The following LRRC49 variants were observed in gnomAD, a reference collection of about 807,000 sequenced individuals.
LRRC49 encodes the protein leucine-rich repeat-containing protein 49.
A neutral mutation model predicts 83.3 loss-of-function variants in LRRC49; 50 were observed. That is an observed-to-expected ratio of 0.60 (90% CI 0.48 to 0.76). The LOEUF is 0.76. Ranked by LOEUF, LRRC49 falls within the 30% of genes least tolerant of loss-of-function variation. The probability of loss-of-function intolerance (pLI) is 0.00; values close to 1 mark genes in which losing one functional copy is unlikely to be tolerated. For missense variants in LRRC49, 704 were observed against 809.1 expected, an observed-to-expected ratio of 0.87 and a Z score of 1.58; for synonymous variants, 286 against 283.3, an observed-to-expected ratio of 1.01 and a Z score of -0.10.
intron 11 of LRRC49, among the ~76,000 whole-genome samples, chr15:70,990,465 G>A (rs548717043): frequency 6.8e-4 from 103 of 152,246 alleles, no homozygotes; most frequent in South Asian, 1.7e-3. Flanking sequence ...CTCCTGGTGC[G>A]CCGTTTTTTA....
Position 70,997,580 on chromosome 15 carries a change from G to A in LRRC49, c.1170-10799G>A, listed in dbSNP as rs544146452. 3.2e-4 allele frequency among the ~76,000 whole-genome samples: 48 copies of A among 152,140 alleles called. No individual in the cohort carries two copies. In the South Asian group the frequency reaches 5.2e-3, roughly 16 times the overall value. On this transcript the variant is annotated intron_variant, in intron 11 of 15. Transcript: ENST00000260382. ...ATCCTGGCCAACATGGCGAAACCCC[G>A]TCTCTACTAAAAATATGAAAATTAG...
At position 71,050,862 on chromosome 15, in the gene LRRC49, CAG is replaced by C. The variant is rs1248935083; in HGVS notation, c.*1253_*1254del. The C allele has an allele frequency of 3.3e-5, 5 of 149,884 alleles. No homozygotes were observed. The highest frequency in any genetic ancestry group is 3.9e-4 in the East Asian group (2 of 5,100). 9.3% of individuals were successfully genotyped at this position (149,884 alleles called of 1,614,324 possible). ...TCTTTTTCTTTTTTTTTTTTTGAGACAGAGTCTTGCTCTGTCACCCAGGCTGG... is the reference window on the plus strand; with the variant it reads ...TCTTTTTCTTTTTTTTTTTTTGAGACAGTCTTGCTCTGTCACCCAGGCTGG... On this transcript the variant is annotated 3_prime_UTR_variant, in exon 16 of 16. Coordinates refer to ENST00000260382, the MANE Select transcript of LRRC49 (RefSeq NM_017691.5).
chr15:70,929,482 A>C lies in LRRC49; in HGVS notation c.712-7279A>C, dbSNP rs1038172170. Among the ~76,000 whole-genome samples the C allele has an allele frequency of 1.1e-4, 16 of 152,244 alleles. 1 individual carries two copies. Among genetic ancestry groups the C allele is most frequent in the Non-Finnish European group, 2.2e-4 (15 of 68,018 alleles). ...TTGTAATCTTTTTGCTGGTGGAGGGAGGGTCTTGCCGTGATGTTAATGGCT... is the reference window on the plus strand; with the variant it reads ...TTGTAATCTTTTTGCTGGTGGAGGGCGGGTCTTGCCGTGATGTTAATGGCT... On this transcript the variant is annotated intron_variant, in intron 7 of 15. Transcript: ENST00000260382.
intron 9 of LRRC49, among the ~76,000 whole-genome samples, chr15:70,976,080 G>T (rs79757274): frequency 0.014 from 2,189 of 152,256 alleles, 50 homozygotes; most frequent in African/African-American, 0.049. Context: ...TTGAAGACAG[G>T]TGCAGTGTTC....
At chr15:70,983,220 T>G (rs1304006898) in intron 10 of LRRC49, among the ~76,000 whole-genome samples, 1 of 152,218 alleles carries the variant, frequency 6.6e-6, no homozygotes, top group Non-Finnish European at 1.5e-5. Context: ...CGTTTCAATT[T>G]AGCACAATTT....
At chr15:71,023,988 C>T (rs897179731) in intron 14 of LRRC49, among the ~76,000 whole-genome samples, 1 of 152,184 alleles carries the variant, frequency 6.6e-6, no homozygotes, top group Non-Finnish European at 1.5e-5. Flanking sequence ...CCTAAGACCA[C>T]TGAGCTCCCA....
chr15:70,882,718 A>C lies in LRRC49; in HGVS notation c.18+9495A>C, dbSNP rs546502746. On this transcript the variant is annotated intron_variant, in intron 2 of 16. Transcript: ENST00000544974. ...TTTTCATATATCTTTAATATACGAA[A>C]GATCAATTCAATTGCTTAATCCATT... 3 of 1,613,032 alleles carry C rather than the reference A, an allele frequency of 1.9e-6. No homozygotes were observed. The Admixed American group carries it at 5.0e-5, about 27-fold the overall frequency.
intron 8 of LRRC49, among the ~76,000 whole-genome samples, chr15:70,959,156 G>T (rs1236790976): frequency 1.3e-5 from 2 of 152,156 alleles, no homozygotes; most frequent in African/African-American, 2.4e-5. Context: ...TTTTACCAAG[G>T]TGCCCTGTGG....
intron 11 of LRRC49, among the ~76,000 whole-genome samples, chr15:70,992,272 G>A (rs545705479): frequency 3.3e-5 from 5 of 152,276 alleles, no homozygotes; most frequent in East Asian, 3.9e-4. Flanking sequence ...CCATTAGCTC[G>A]GAGAAGTTTG....
chr15:70,990,671 A>G (rs1447913314), intron 11 of LRRC49, among the ~76,000 whole-genome samples: 2 of 152,166 alleles, frequency 1.3e-5, no homozygotes, highest in African/African-American at 4.8e-5. Context: ...GGCACTCCCT[A>G]GTGAGATGAA....
chr15:70,983,211 G>A (rs192256318), intron 10 of LRRC49, among the ~76,000 whole-genome samples: 38 of 152,058 alleles, frequency 2.5e-4, no homozygotes, highest in African/African-American at 8.7e-4. Context: ...GAATAGAAAC[G>A]TTTCAATTTA....
intron 1 of LRRC49, chr15:70,853,873 C>CG: frequency 7.9e-7 from 1 of 1,262,386 alleles, no homozygotes; most frequent in South Asian, 2.8e-5. Flanking sequence ...CCTCCCGGGC[C>CG]AGCCGCCGCG....
intron 7 of LRRC49, among the ~76,000 whole-genome samples, chr15:70,926,696 G>A (rs2035214906): frequency 6.6e-6 from 1 of 151,284 alleles, no homozygotes; most frequent in East Asian, 2.0e-4. Flanking sequence ...AGGCCCCAGT[G>A]TGTGATGTTC....
intron 7 of LRRC49, among the ~76,000 whole-genome samples, chr15:70,927,711 G>A (rs968647429): frequency 2.0e-5 from 3 of 152,050 alleles, no homozygotes; most frequent in East Asian, 1.9e-4. Context: ...GCAGTGGCTC[G>A]AACATAGCAC....
At chr15:70,892,341 G>T (rs28364707), upstream of LRRC49, 8 of 1,549,004 alleles carry the variant, frequency 5.2e-6, no homozygotes, top group Non-Finnish European at 7.0e-6. Context: ...TCCTCGCAGC[G>T]GCCTCGGCGA....
At chr15:70,916,613 G>T (rs555103929) in intron 6 of LRRC49, among the ~76,000 whole-genome samples, 20 of 152,310 alleles carry the variant, frequency 1.3e-4, no homozygotes, top group African/African-American at 4.3e-4. Flanking sequence ...GATTATTAAC[G>T]GCAGCAGCAG....
intron 9 of LRRC49, among the ~76,000 whole-genome samples, chr15:70,971,928 CTT>C (rs2037020162): frequency 6.7e-6 from 1 of 150,196 alleles, no homozygotes; most frequent in South Asian, 2.1e-4. Flanking sequence ...GGTCTTGACT[CTT>C]TATCCAATTT....
intron 7 of LRRC49, 81 bp downstream of exon 7, chr15:70,919,274 G>A: frequency 8.2e-7 from 1 of 1,222,364 alleles, no homozygotes; most frequent in African/African-American, 1.5e-5. Flanking sequence ...ATGGCTTTCT[G>A]CAAAGTAAGA....
rs576791307 is a variant in LRRC49, at chr15:70,941,132, T to A, written c.773+4310T>A. On this transcript the variant is annotated intron_variant, in intron 8 of 15. Transcript: ENST00000260382. ...GTAAAGCCTAGCTCCAGCTTTTGAA[T>A]TCTTTTAGTCAGAAAATAGGTGAAA... Among the ~76,000 whole-genome samples, 54 of 152,304 alleles carry A rather than the reference T, an allele frequency of 3.5e-4. 1 individual carries two copies. Among genetic ancestry groups the A allele is most frequent in the Non-Finnish European group, 5.0e-4 (34 of 68,010 alleles).
Sources: allele counts gnomAD v4.1 joint callset (sites outside exome capture counted in the v4.1 genomes callset), GRCh38; gene constraint gnomAD v4.1.1; transcripts MANE v1.5; gene names NCBI Gene and HGNC (gene_info 2026-07-23, HGNC 2026-07-21).